Variants in PRKCA observed in about 807,000 individuals in gnomAD.
PRKCA encodes the protein protein kinase C alpha type.
Under a neutral mutation model 87.0 loss-of-function variants are expected in PRKCA, and 27 were observed. The ratio of observed to expected loss-of-function variants is 0.31; its 90% CI spans 0.23 to 0.43. PRKCA has a LOEUF of 0.43. Among genes scored for constraint, PRKCA ranks in the 20% least tolerant of loss-of-function variants. The pLI is 1.00. For missense variants in PRKCA, 518 were observed against 852.3 expected, an observed-to-expected ratio of 0.61 and a Z score of 4.88; for synonymous variants, 329 against 311.1, an observed-to-expected ratio of 1.06 and a Z score of -0.61.
chr17:66,456,976 T>C (rs1034729222), intron 2 of PRKCA, among the ~76,000 whole-genome samples: 1 of 152,164 alleles, frequency 6.6e-6, no homozygotes, highest in African/African-American at 2.4e-5. Context: ...TACATGAATG[T>C]CATGAATGTC....
intron 9 of PRKCA, among the ~76,000 whole-genome samples, chr17:66,733,100 G>A (rs985983240): frequency 1.4e-5 from 2 of 147,128 alleles, no homozygotes; most frequent in African/African-American, 2.5e-5. Context: ...ACAGTGAGCC[G>A]AGATCGCACC....
intron 5 of PRKCA, among the ~76,000 whole-genome samples, chr17:66,660,256 G>T (rs372303087): frequency 3.9e-5 from 6 of 152,190 alleles, no homozygotes; most frequent in African/African-American, 1.4e-4. Context: ...CAGTGGGTCC[G>T]TTTGGTGGGG....
intron 5 of PRKCA, chr17:66,676,726 T>C (rs1018765573): frequency 1.3e-5 from 2 of 152,182 alleles, no homozygotes; most frequent in Non-Finnish European, 2.9e-5. Flanking sequence ...TGTCCAGAAG[T>C]GCCAACTGCT....
intron 13 of PRKCA, among the ~76,000 whole-genome samples, chr17:66,772,099 G>T (rs1457067430): frequency 6.6e-6 from 1 of 152,096 alleles, no homozygotes; most frequent in Non-Finnish European, 1.5e-5. Context: ...TGTATCAAAG[G>T]TTATAAAAAT....
At chr17:66,314,947 GTGTATGTATATA>G (rs1567767663) in intron 2 of PRKCA, among the ~76,000 whole-genome samples, 1 of 151,456 alleles carries the variant, frequency 6.6e-6, no homozygotes, top group Non-Finnish European at 1.5e-5. Flanking sequence ...GTGTGTGTAT[GTGTATGTATATA>G]TGTGTGTATA....
At chr17:66,530,219 T>C (rs1224226978) in intron 3 of PRKCA, among the ~76,000 whole-genome samples, 6 of 152,178 alleles carry the variant, frequency 3.9e-5, no homozygotes, top group African/African-American at 7.2e-5. Flanking sequence ...TTCATGCCCA[T>C]TGAGACAATC....
intron 3 of PRKCA, among the ~76,000 whole-genome samples, chr17:66,528,829 T>A (rs758840961): frequency 1.1e-4 from 17 of 152,222 alleles, no homozygotes; most frequent in Admixed American, 2.6e-4. Context: ...TTAGTTTGTG[T>A]ATTTTGATTG....
In PRKCA at chr17:66,688,440, T is replaced by C. The variant is rs956449447; in HGVS notation, c.821+4T>C. The C allele has an allele frequency of 6.2e-7, 1 of 1,614,122 alleles. No individual in the cohort carries two copies. Among genetic ancestry groups the C allele is most frequent in the Non-Finnish European group, 8.5e-7 (1 of 1,179,996 alleles). On this transcript the variant is annotated splice_donor_region_variant and intron_variant, in intron 7 of 16. Coordinates refer to ENST00000413366, the MANE Select transcript of PRKCA (RefSeq NM_002737.3). ...TGAAGATGCCGGCCAGTGGATGGTA[T>C]GGAAGCCGCTTAGGTTGAGTATGTC... is the stretch of plus-strand genomic sequence containing the variant.
chr17:66,443,245 G>A (rs992795354), intron 2 of PRKCA, among the ~76,000 whole-genome samples: 16 of 152,272 alleles, frequency 1.1e-4, no homozygotes, highest in African/African-American at 3.6e-4. Context: ...TCTGTTCAAT[G>A]TTATAATGAT....
intron 14 of PRKCA, chr17:66,777,851 C>A: frequency 1.0e-6 from 1 of 985,374 alleles, no homozygotes; most frequent in Non-Finnish European, 1.2e-6. Flanking sequence ...ATTTCAGAAC[C>A]CAGGTCTGCA....
At chr17:66,508,222 T>C (rs1359441139) in intron 3 of PRKCA, among the ~76,000 whole-genome samples, 1 of 152,186 alleles carries the variant, frequency 6.6e-6, no homozygotes, top group Non-Finnish European at 1.5e-5. Context: ...ACATGGACAG[T>C]GGGAAGGTCC....
intron 14 of PRKCA, among the ~76,000 whole-genome samples, chr17:66,781,737 G>C (rs1264279634): frequency 6.6e-6 from 1 of 151,900 alleles, no homozygotes; most frequent in Non-Finnish European, 1.5e-5. Flanking sequence ...AGTTTCAGTT[G>C]GGAAGATGAA....
At chr17:66,505,108 G>C (rs1916916357) in intron 3 of PRKCA, among the ~76,000 whole-genome samples, 1 of 152,194 alleles carries the variant, frequency 6.6e-6, no homozygotes, top group African/African-American at 2.4e-5. Flanking sequence ...TGCTAATTCT[G>C]CTCTTCAGTG....
chr17:66,335,684 CATATATTTTG>C (rs1906619497), intron 2 of PRKCA, among the ~76,000 whole-genome samples: 1 of 151,896 alleles, frequency 6.6e-6, no homozygotes, highest in Admixed American at 6.6e-5. Context: ...TCCCACATTA[CATATATTTTG>C]AAAATGTGTT....
At chr17:66,633,899 A>G (rs1971086224) in intron 3 of PRKCA, among the ~76,000 whole-genome samples, 1 of 152,224 alleles carries the variant, frequency 6.6e-6, no homozygotes, top group Non-Finnish European at 1.5e-5. Context: ...TCCAGCCTCA[A>G]CTACTGCCTT....
intron 2 of PRKCA, among the ~76,000 whole-genome samples, chr17:66,435,760 G>C (rs562437043): frequency 2.6e-5 from 4 of 152,318 alleles, no homozygotes; most frequent in Non-Finnish European, 4.4e-5. Context: ...TTTGGGGGAG[G>C]GGGGTGGTCT....
At position 66,781,917 on chromosome 17, in the gene PRKCA, T is replaced by TGA. The variant is rs748622860; in HGVS notation, c.1606-4948_1606-4947dup. On this transcript the variant is annotated intron_variant, in intron 14 of 16. Transcript: ENST00000413366. ...GTGTGTGTGTGTGTGTGTGTGTGTG[T>TGA]GAGTGAGTGTGAGTGTGACAGAGTC... is the stretch of plus-strand genomic sequence containing the variant. 1.2e-4 allele frequency among the ~76,000 whole-genome samples: 17 copies of TGA among 142,416 alleles called. No individual in the cohort carries two copies. The East Asian group carries it at 2.2e-3, about 18-fold the overall frequency. The allele number at this position is 142,416 out of a possible 152,430, so 93.4% of individuals were successfully genotyped here.
Position 66,521,559 on chromosome 17 carries a change from C to CT in PRKCA, c.288+25285dup, listed in dbSNP as rs761038307. 4.1e-4 allele frequency among the ~76,000 whole-genome samples: 62 copies of CT among 151,742 alleles called. 1 individual carries two copies. The East Asian group carries it at 5.8e-3, about 14-fold the overall frequency. On this transcript the variant is annotated intron_variant, in intron 3 of 16. Coordinates refer to ENST00000413366, the MANE Select transcript of PRKCA (RefSeq NM_002737.3). ...TTCTCTAAGAAAGACTAAACTGTGA[C>CT]TTTTTTTTTCCTTTCTGGCTAATTA...
intron 2 of PRKCA, among the ~76,000 whole-genome samples, chr17:66,357,718 A>C (rs1020491367): frequency 6.6e-6 from 1 of 152,196 alleles, no homozygotes; most frequent in Non-Finnish European, 1.5e-5. Flanking sequence ...TGTGTGATTC[A>C]TGGTGTATGT....
Sources: allele counts gnomAD v4.1 joint callset (sites outside exome capture counted in the v4.1 genomes callset), GRCh38; gene constraint gnomAD v4.1.1; transcripts MANE v1.5; gene names NCBI Gene and HGNC (gene_info 2026-07-23, HGNC 2026-07-21).